Variants in TAFA1 observed in about 807,000 individuals in gnomAD.
TAFA1 encodes the protein chemokine-like protein TAFA-1.
TAFA1 carries 4 observed loss-of-function variants against 18.5 expected under a neutral mutation model. The observed-to-expected ratio is 0.22, with a 90% CI of 0.11 to 0.49. TAFA1 has a LOEUF of 0.49. Ranked by LOEUF, TAFA1 falls within the 20% of genes least tolerant of loss-of-function variation. The probability of loss-of-function intolerance (pLI) is 0.98; values close to 1 mark genes in which losing one functional copy is unlikely to be tolerated. For synonymous variants in TAFA1, 56 were observed against 55.2 expected (o/e 1.01, Z -0.06); for missense variants, 147 against 169.0 (o/e 0.87, Z 0.72).
intron 2 of TAFA1, among the ~76,000 whole-genome samples, chr3:68,139,306 G>A (rs928674245): frequency 3.3e-5 from 5 of 152,190 alleles, no homozygotes; most frequent in Admixed American, 1.3e-4. Flanking sequence ...TTAGAGTTGG[G>A]AATAGGTTCC....
intron 2 of TAFA1, among the ~76,000 whole-genome samples, chr3:68,383,425 G>A (rs976727224): frequency 4.6e-5 from 7 of 152,098 alleles, no homozygotes; most frequent in African/African-American, 1.7e-4. Flanking sequence ...AGCCTTTTCT[G>A]CATCTATTGA....
At chr3:68,309,017 A>G (rs1475648219) in intron 2 of TAFA1, among the ~76,000 whole-genome samples, 4 of 152,084 alleles carry the variant, frequency 2.6e-5, no homozygotes, top group Non-Finnish European at 5.9e-5. Flanking sequence ...CTGCTTCAGA[A>G]ACCTTACCCT....
In TAFA1 at chr3:68,182,750, C is replaced by A. The variant is rs1262217950; in HGVS notation, c.118+176006C>A. On this transcript the variant is annotated intron_variant, in intron 2 of 4. Transcript: ENST00000478136. ...TATATAAACCTTGCATTCTTGTAAA[C>A]CCTACGTAAAACATATTGCTTTATG... Among the ~76,000 whole-genome samples, 18 of 152,074 alleles carry A rather than the reference C, an allele frequency of 1.2e-4. No homozygotes were observed. In the South Asian group the frequency reaches 3.7e-3, roughly 32 times the overall value.
intron 2 of TAFA1, among the ~76,000 whole-genome samples, chr3:68,137,764 A>C (rs1226864681): frequency 6.6e-6 from 1 of 152,226 alleles, no homozygotes; most frequent in Admixed American, 6.5e-5. Flanking sequence ...GGAAAGGCCC[A>C]GATAGGTCAT....
At chr3:68,065,389 T>A (rs779694055) in intron 2 of TAFA1, among the ~76,000 whole-genome samples, 19 of 152,140 alleles carry the variant, frequency 1.2e-4, no homozygotes, top group Non-Finnish European at 2.8e-4. Flanking sequence ...AAAGAGAGCA[T>A]CTTGCTGTGA....
At chr3:68,008,387 GTGA>G (rs1301386751) in intron 2 of TAFA1, among the ~76,000 whole-genome samples, 1 of 152,250 alleles carries the variant, frequency 6.6e-6, no homozygotes, top group Non-Finnish European at 1.5e-5. Context: ...TGCATTCGTT[GTGA>G]TGATCAAGAA....
chr3:68,396,498 C>A (rs1465531130), intron 2 of TAFA1, among the ~76,000 whole-genome samples: 1 of 152,204 alleles, frequency 6.6e-6, no homozygotes, highest in African/African-American at 2.4e-5. Flanking sequence ...TATACTATAT[C>A]TTCTTTGGTG....
At chr3:68,534,611 TTTAGATA>T (rs753194109) in intron 3 of TAFA1, among the ~76,000 whole-genome samples, 3 of 152,164 alleles carry the variant, frequency 2.0e-5, no homozygotes, top group Non-Finnish European at 4.4e-5. Context: ...AATGTGAATT[TTTAGATA>T]TTATAACAGT....
Position 68,148,584 on chromosome 3 carries a change from C to T in TAFA1, c.118+141840C>T, listed in dbSNP as rs148859745. Among the ~76,000 whole-genome samples, 685 of 152,292 alleles carry T rather than the reference C, an allele frequency of 4.5e-3. 11 individuals carry two copies. The highest frequency in any genetic ancestry group is 0.016 in the African/African-American group (658 of 41,550). On this transcript the variant is annotated intron_variant, in intron 2 of 4. Transcript: ENST00000478136. The stretch of plus-strand genomic sequence containing the variant: ...GAATGTCAGAGAGACTTCAGAAAAG[C>T]GTTTGGCCTGTGTCTGTGTAGCTTC...
intron 2 of TAFA1, among the ~76,000 whole-genome samples, chr3:68,280,545 G>A (rs887462428): frequency 4.6e-5 from 7 of 152,120 alleles, no homozygotes; most frequent in East Asian, 1.9e-4. Context: ...ATAAACCAGC[G>A]GCTTCACATC....
At chr3:68,054,667 G>T (rs985584581) in intron 2 of TAFA1, among the ~76,000 whole-genome samples, 1 of 152,316 alleles carries the variant, frequency 6.6e-6, no homozygotes, top group South Asian at 2.1e-4. Flanking sequence ...AACAGCAGAG[G>T]TGAATAGTCA....
chr3:68,154,785 C>T (rs2065847659), intron 2 of TAFA1, among the ~76,000 whole-genome samples: 1 of 152,158 alleles, frequency 6.6e-6, no homozygotes. Flanking sequence ...ACGCACCCCA[C>T]ACACTTCTAT....
At chr3:68,074,364 G>A (rs553567579) in intron 2 of TAFA1, among the ~76,000 whole-genome samples, 1 of 152,224 alleles carries the variant, frequency 6.6e-6, no homozygotes, top group Non-Finnish European at 1.5e-5. Context: ...TGGGGATTGG[G>A]AACCCCTGCC....
At chr3:68,060,078 AACAC>A (rs1553708071) in intron 2 of TAFA1, among the ~76,000 whole-genome samples, 2 of 151,906 alleles carry the variant, frequency 1.3e-5, no homozygotes, top group African/African-American at 4.8e-5. Flanking sequence ...GGAAAAAAAA[AACAC>A]ACACACACGC....
At chr3:68,378,466 T>G (rs1435587970) in intron 2 of TAFA1, among the ~76,000 whole-genome samples, 2 of 152,178 alleles carry the variant, frequency 1.3e-5, no homozygotes, top group South Asian at 2.1e-4. Context: ...GTAACTAATT[T>G]GCTTTTGATT....
At chr3:68,253,910 T>C (rs2067243162) in intron 2 of TAFA1, among the ~76,000 whole-genome samples, 1 of 152,190 alleles carries the variant, frequency 6.6e-6, no homozygotes, top group Non-Finnish European at 1.5e-5. Flanking sequence ...AGTTTCAGAT[T>C]GAAGGTCATT....
At chr3:68,017,868 C>A (rs1370758890) in intron 2 of TAFA1, among the ~76,000 whole-genome samples, 6 of 152,128 alleles carry the variant, frequency 3.9e-5, no homozygotes, top group Non-Finnish European at 8.8e-5. Context: ...ACTATGTAAT[C>A]ATAAAGCAGG....
At chr3:68,534,050 A>G (rs1350061379) in intron 3 of TAFA1, among the ~76,000 whole-genome samples, 1 of 152,144 alleles carries the variant, frequency 6.6e-6, no homozygotes, top group Non-Finnish European at 1.5e-5. Context: ...ACATACTTTG[A>G]GATGGTTGTT....
chr3:68,107,559 C>A (rs2065217065), intron 2 of TAFA1, among the ~76,000 whole-genome samples: 1 of 152,108 alleles, frequency 6.6e-6, no homozygotes, highest in South Asian at 2.1e-4. Context: ...GGATCTGGTT[C>A]TACAGTATTT....
Sources: gnomAD v4.1 joint callset for allele counts (sites outside exome capture counted in the v4.1 genomes callset) on GRCh38, gnomAD v4.1.1 for gene constraint, MANE v1.5 for transcripts, NCBI Gene and HGNC (gene_info 2026-07-23, HGNC 2026-07-21) for gene names.